The following SPOCK3 variants were observed in gnomAD, a reference collection of about 807,000 sequenced individuals.
SPOCK3 encodes testican-3.
A neutral mutation model predicts 56.6 loss-of-function variants in SPOCK3; 30 were observed. The observed-to-expected ratio is 0.53, with a 90% CI of 0.40 to 0.72. The LOEUF (loss-of-function observed/expected upper bound fraction) is 0.72. SPOCK3 is among the 30% of genes least tolerant of loss of function. The pLI, the probability that SPOCK3 is intolerant of heterozygous loss-of-function variation, is 0.00. For synonymous variants in SPOCK3, 196 were observed against 183.3 expected (o/e 1.07, Z -0.56); for missense variants, 527 against 530.0 (o/e 0.99, Z 0.06).
At chr4:166,935,482 G>T (rs1249737697) in intron 4 of SPOCK3, among the ~76,000 whole-genome samples, 1 of 152,144 alleles carries the variant, frequency 6.6e-6, no homozygotes, top group Non-Finnish European at 1.5e-5. Context: ...ACAAAGCCAG[G>T]AATCTCATGC....
chr4:167,107,697 G>A (rs1760286290), intron 2 of SPOCK3, among the ~76,000 whole-genome samples: 1 of 151,740 alleles, frequency 6.6e-6, no homozygotes, highest in Non-Finnish European at 1.5e-5. Context: ...TTTATATTTG[G>A]AAAAACTTAA....
At position 166,961,975 on chromosome 4, in the gene SPOCK3, A is replaced by C. The variant is rs1383289160; in HGVS notation, c.350+38374T>G. ...CTTCTGGAAGCTCTAGGAAAGAATT[A>C]GTCCTTGTCTTTTCTAGCTCCCATA... On this transcript the variant is annotated intron_variant, in intron 4 of 10. Transcript: ENST00000357545. Among the ~76,000 whole-genome samples the C allele has an allele frequency of 2.0e-5, 3 of 152,070 alleles. No individual in the cohort carries two copies. The East Asian group carries it at 5.8e-4, about 29-fold the overall frequency.
intron 3 of SPOCK3, among the ~76,000 whole-genome samples, chr4:167,028,183 T>C (rs2150175468): frequency 6.6e-6 from 1 of 151,870 alleles, no homozygotes; most frequent in South Asian, 2.1e-4. Flanking sequence ...AGCCAGAGGT[T>C]CAAGACTAGC....
At chr4:166,894,028 A>G (rs1300958622) in intron 5 of SPOCK3, among the ~76,000 whole-genome samples, 7 of 152,128 alleles carry the variant, frequency 4.6e-5, no homozygotes, top group African/African-American at 1.4e-4. Context: ...TTTGCACAAA[A>G]TGTCTTAATT....
At chr4:166,944,694 C>T (rs1741510178) in intron 4 of SPOCK3, among the ~76,000 whole-genome samples, 1 of 152,014 alleles carries the variant, frequency 6.6e-6, no homozygotes, top group South Asian at 2.1e-4. Flanking sequence ...ACAGAAATTA[C>T]ATATTATTTT....
intron 3 of SPOCK3, among the ~76,000 whole-genome samples, chr4:167,007,753 C>G (rs543472716): frequency 4.6e-5 from 7 of 152,194 alleles, no homozygotes; most frequent in Non-Finnish European, 1.0e-4. Context: ...TTGTGACAAG[C>G]CTGCCTGTGT....
intron 6 of SPOCK3, among the ~76,000 whole-genome samples, chr4:166,869,831 C>T (rs1732271670): frequency 6.6e-6 from 1 of 151,928 alleles, no homozygotes; most frequent in Admixed American, 6.6e-5. Context: ...AGATACAGCA[C>T]CTCGGATTTT....
chr4:167,234,500 T>C (rs1737531702), upstream of SPOCK3: 1 of 350,078 alleles, frequency 2.9e-6, no homozygotes. Flanking sequence ...AATGCAGCCC[T>C]GCTCTGCCAA....
Position 166,754,130 on chromosome 4 carries a change from C to T in SPOCK3, c.931+378G>A, listed in dbSNP as rs1188420008. 20 of 984,072 alleles carry T rather than the reference C, an allele frequency of 2.0e-5. No individual in the cohort carries two copies. In the South Asian group the frequency reaches 9.4e-4, roughly 46 times the overall value. The allele number at this position is 984,072 out of a possible 1,614,324, so 61.0% of individuals were successfully genotyped here. The stretch of plus-strand genomic sequence containing the variant: ...AAGATCACAAAATAGAACATTAAAA[C>T]TCCACCGTATAGTGATAAAAAATCC... On this transcript the variant is annotated intron_variant, in intron 8 of 10. Coordinates refer to ENST00000357545, the MANE Select transcript of SPOCK3 (RefSeq NM_001040159.2).
chr4:166,829,461 ATTTGATTTAC>A (rs1745815247), intron 6 of SPOCK3, among the ~76,000 whole-genome samples: 1 of 151,958 alleles, frequency 6.6e-6, no homozygotes, highest in Non-Finnish European at 1.5e-5. Context: ...GGAATTTTTT[ATTTGATTTAC>A]CACTTTTTTA....
At chr4:167,075,205 T>C (rs556022934) in intron 2 of SPOCK3, among the ~76,000 whole-genome samples, 1 of 152,002 alleles carries the variant, frequency 6.6e-6, no homozygotes, top group East Asian at 1.9e-4. Context: ...AACAAACCTT[T>C]TACAAAATAC....
chr4:166,958,245 T>C (rs767379952), intron 4 of SPOCK3, among the ~76,000 whole-genome samples: 2 of 152,186 alleles, frequency 1.3e-5, no homozygotes, highest in Non-Finnish European at 2.9e-5. Context: ...CTCTTGATCC[T>C]GCTTTCTCCG....
At chr4:167,070,569 T>C (rs1756572727) in intron 2 of SPOCK3, among the ~76,000 whole-genome samples, 2 of 152,000 alleles carry the variant, frequency 1.3e-5, no homozygotes, top group Admixed American at 6.6e-5. Context: ...AATTAACTTT[T>C]ATTGCTTCCT....
intron 4 of SPOCK3, among the ~76,000 whole-genome samples, chr4:166,965,500 T>G (rs1744629144): frequency 4.0e-5 from 6 of 151,840 alleles, no homozygotes; most frequent in Admixed American, 2.6e-4. Flanking sequence ...TTTAAATGTG[T>G]CGTTCTATTA....
At chr4:167,068,392 A>C (rs1048808833) in intron 2 of SPOCK3, among the ~76,000 whole-genome samples, 3 of 151,780 alleles carry the variant, frequency 2.0e-5, no homozygotes, top group Admixed American at 1.3e-4. Context: ...CAAACTATTA[A>C]TATAGTTCTA....
intron 3 of SPOCK3, among the ~76,000 whole-genome samples, chr4:167,056,165 G>A (rs962490478): frequency 1.3e-5 from 2 of 152,202 alleles, no homozygotes; most frequent in African/African-American, 4.8e-5. Context: ...CTGTTCTGCA[G>A]CCACCGCTGC....
intron 4 of SPOCK3, among the ~76,000 whole-genome samples, chr4:166,916,363 T>A (rs1737850876): frequency 6.6e-6 from 1 of 152,152 alleles, no homozygotes; most frequent in Non-Finnish European, 1.5e-5. Context: ...AATCATATTA[T>A]CTTCTTACCA....
chr4:167,107,609 A>G (rs1760277273), intron 2 of SPOCK3, among the ~76,000 whole-genome samples: 1 of 151,900 alleles, frequency 6.6e-6, no homozygotes, highest in Non-Finnish European at 1.5e-5. Flanking sequence ...GCCCACTGTC[A>G]CCAGACAAGA....
At chr4:166,780,878 C>G (rs1740088556) in intron 7 of SPOCK3, among the ~76,000 whole-genome samples, 1 of 152,070 alleles carries the variant, frequency 6.6e-6, no homozygotes, top group Non-Finnish European at 1.5e-5. Context: ...CTCTGAGGCT[C>G]AGTTGCAAAG....
Sources: gnomAD v4.1 joint callset for allele counts (sites outside exome capture counted in the v4.1 genomes callset) on GRCh38, gnomAD v4.1.1 for gene constraint, MANE v1.5 for transcripts, NCBI Gene and HGNC (gene_info 2026-07-23, HGNC 2026-07-21) for gene names.